Variants in NBEAL1 observed in about 807,000 individuals in gnomAD.
NBEAL1 encodes the protein neurobeachin-like protein 1.
In NBEAL1, 273 loss-of-function variants were observed where a neutral mutation model predicts 351.3. The observed-to-expected ratio is 0.78, with a 90% CI of 0.70 to 0.86. The LOEUF is 0.86. Ranked by LOEUF, NBEAL1 falls within the 40% of genes least tolerant of loss-of-function variation. The probability of loss-of-function intolerance (pLI) is 0.00; values close to 1 mark genes in which losing one functional copy is unlikely to be tolerated. For synonymous variants in NBEAL1, 1,050 were observed against 1,086.4 expected (o/e 0.97, Z 0.66); for missense variants, 2,961 against 3,201.3 (o/e 0.92, Z 1.81).
rs116720641 is a variant in NBEAL1, at chr2:203,189,629, C to T, written c.6824-663C>T. Among the ~76,000 whole-genome samples, 1,415 of 152,106 alleles carry T rather than the reference C, an allele frequency of 9.3e-3. 18 individuals carry two copies. The highest frequency in any genetic ancestry group is 0.032 in the African/African-American group (1,331 of 41,512). ...TTCAAACTCCAGGTCTCAAGCAGTC[C>T]TCCCGCCTCAGCCTCCCAAAGTGCT... On this transcript the variant is annotated intron_variant, in intron 45 of 55. Coordinates refer to ENST00000683969, the MANE Select transcript of NBEAL1 (RefSeq NM_001378026.1).
At chr2:203,061,037 G>A (rs927349500) in intron 6 of NBEAL1, among the ~76,000 whole-genome samples, 1 of 152,120 alleles carries the variant, frequency 6.6e-6, no homozygotes, top group African/African-American at 2.4e-5. Context: ...AGTATCAAAT[G>A]AAACTTATGA....
intron 46 of NBEAL1, among the ~76,000 whole-genome samples, chr2:203,192,195 A>G (rs1279675336): frequency 6.6e-6 from 1 of 152,210 alleles, no homozygotes; most frequent in Non-Finnish European, 1.5e-5. Context: ...TGGTACAGTC[A>G]GAAGGCGAAA....
In NBEAL1 at chr2:203,190,528, CTT is replaced by C. The variant is rs1046458646; in HGVS notation, c.6921+140_6921+141del. 41 of 747,004 alleles carry C rather than the reference CTT, an allele frequency of 5.5e-5. No homozygotes were observed. In the African/African-American group the frequency reaches 6.7e-4, roughly 12 times the overall value. The allele number at this position is 747,004 out of a possible 1,614,324, so 46.3% of individuals were successfully genotyped here. A position where few individuals can be genotyped will look rare whatever the true frequency, so the allele number is the denominator to read the frequency against. Reference sequence around the variant, plus strand: ...AAAGATTTCTGTTTGCTCAGAAAGTCTTATATTATTTCCAAGAGGAAAAACTG... The same window carrying C: ...AAAGATTTCTGTTTGCTCAGAAAGTCATATTATTTCCAAGAGGAAAAACTG... On this transcript the variant is annotated intron_variant, in intron 46 of 55. Coordinates refer to ENST00000683969, the MANE Select transcript of NBEAL1 (RefSeq NM_001378026.1).
rs767610333 is a variant in NBEAL1, at chr2:203,046,316, C to T, written c.144-3498C>T. Among the ~76,000 whole-genome samples the T allele has an allele frequency of 7.2e-5, 11 of 152,030 alleles. No homozygotes were observed. In the South Asian group the frequency reaches 1.0e-3, roughly 14 times the overall value. On this transcript the variant is annotated intron_variant, in intron 3 of 55. Coordinates refer to ENST00000683969, the MANE Select transcript of NBEAL1 (RefSeq NM_001378026.1). ...CTGCAACCTCTGCCTCCCGGGTTCA[C>T]GCCATTCTCCTGCCTCAGCCTCTCG...
chr2:203,031,461 T>A (rs1231687515), intron 2 of NBEAL1, among the ~76,000 whole-genome samples: 6 of 152,216 alleles, frequency 3.9e-5, no homozygotes, highest in African/African-American at 1.4e-4. Flanking sequence ...TGAGTGGTAG[T>A]TAAACTTATG....
chr2:203,164,861 C>CTT (rs36031308), intron 36 of NBEAL1, among the ~76,000 whole-genome samples: 205 of 133,268 alleles, frequency 1.5e-3, no homozygotes, highest in East Asian at 7.5e-3. Context: ...TCCCATTTCT[C>CTT]TTTTTTTTTT....
intron 1 of NBEAL1, chr2:203,015,827 T>C (rs1574848396): frequency 6.6e-6 from 1 of 152,440 alleles, no homozygotes; most frequent in East Asian, 1.9e-4. Flanking sequence ...ATTTGAAATG[T>C]CTGAGATGTG....
At position 203,149,088 on chromosome 2, in the gene NBEAL1, T is replaced by C. The variant is rs775005934; in HGVS notation, c.5402T>C (p.Leu1801Pro). Residue 1801 changes from leucine to proline, a missense_variant, in exon 34 of 56, where the codon CTT becomes CCT. Transcript: ENST00000683969. ...CTTAGCAGTCAACAGTTAGCCACTCTTAGACGCTGGAAAGCAATACAGCTC... is the reference window on the plus strand; with the variant it reads ...CTTAGCAGTCAACAGTTAGCCACTCCTAGACGCTGGAAAGCAATACAGCTC... ...KQLSSQQLAT[L>P]RRWKAIQLYL... 5 of 1,612,972 alleles carry C rather than the reference T, an allele frequency of 3.1e-6. No individual in the cohort carries two copies. Among genetic ancestry groups the C allele is most frequent in the Non-Finnish European group, 4.2e-6 (5 of 1,179,322 alleles).
intron 15 of NBEAL1, among the ~76,000 whole-genome samples, chr2:203,110,974 C>T (rs2062559652): frequency 6.6e-6 from 1 of 151,782 alleles, no homozygotes; most frequent in Non-Finnish European, 1.5e-5. Context: ...CCATGTTGGC[C>T]AGGATGGTCT....
chr2:203,018,272 C>CT (rs34841735), intron 2 of NBEAL1, among the ~76,000 whole-genome samples: 130,844 of 146,818 alleles, frequency 0.89, 58,821 homozygotes, highest in Non-Finnish European at 0.95. Context: ...ACTTTTAAGG[C>CT]TTTTTTTTTT....
At chr2:203,034,034 T>C (rs1016113083) in intron 2 of NBEAL1, among the ~76,000 whole-genome samples, 1 of 152,210 alleles carries the variant, frequency 6.6e-6, no homozygotes, top group African/African-American at 2.4e-5. Context: ...ACAGGCTGTT[T>C]TGCATTTACT....
Position 203,019,320 on chromosome 2 carries a change from C to G in NBEAL1, c.51+2885C>G, listed in dbSNP as rs550455874. Among the ~76,000 whole-genome samples the G allele has an allele frequency of 2.5e-4, 38 of 152,284 alleles. No individual in the cohort carries two copies. In the South Asian group the frequency reaches 5.6e-3, roughly 22 times the overall value. On this transcript the variant is annotated intron_variant, in intron 2 of 55. Coordinates refer to ENST00000683969, the MANE Select transcript of NBEAL1 (RefSeq NM_001378026.1). Reference sequence around the variant, plus strand: ...CTGTATAATTTATATTGAGAACTGTCTCTATCAGCATTTGATTACAGTTCC... The same window carrying G: ...CTGTATAATTTATATTGAGAACTGTGTCTATCAGCATTTGATTACAGTTCC...
intron 41 of NBEAL1, 96 bp downstream of exon 41, chr2:203,172,949 C>G: frequency 1.1e-6 from 1 of 886,130 alleles, no homozygotes. Context: ...TTTTTTTTAT[C>G]GTACTACTAC....
chr2:203,214,867 T>C (rs984465250), intron 55 of NBEAL1, among the ~76,000 whole-genome samples: 2 of 152,220 alleles, frequency 1.3e-5, no homozygotes, highest in African/African-American at 4.8e-5. Context: ...AAATCTTGAT[T>C]AATATGTATT....
At chr2:203,050,731 G>A (rs1256577267) in intron 4 of NBEAL1, among the ~76,000 whole-genome samples, 4 of 152,168 alleles carry the variant, frequency 2.6e-5, no homozygotes, top group African/African-American at 9.7e-5. Context: ...AGAATATAGA[G>A]CTTGAGCCTT....
intron 7 of NBEAL1, among the ~76,000 whole-genome samples, chr2:203,076,180 G>T (rs936961721): frequency 1.3e-5 from 2 of 152,104 alleles, no homozygotes; most frequent in Non-Finnish European, 1.5e-5. Flanking sequence ...AGGTGTATCT[G>T]TTAAGATGTA....
Position 203,016,300 on chromosome 2 carries a change from A to T in NBEAL1, c.-85A>T. The T allele has an allele frequency of 9.9e-7, 1 of 1,005,666 alleles. No individual in the cohort carries two copies. Among genetic ancestry groups the T allele is most frequent in the Non-Finnish European group, 1.4e-6 (1 of 699,100 alleles). 62.3% of individuals were successfully genotyped at this position (1,005,666 alleles called of 1,614,324 possible). On this transcript the variant is annotated 5_prime_UTR_variant, in exon 2 of 56. Transcript: ENST00000683969. ...GCTATGAGCTTTACTGAACGGCTGA[A>T]AAACTTGGAAAATAAAATGGACATG... is the stretch of plus-strand genomic sequence containing the variant.
intron 7 of NBEAL1, among the ~76,000 whole-genome samples, chr2:203,069,891 C>T (rs546382114): frequency 4.5e-4 from 68 of 152,306 alleles, no homozygotes; most frequent in Non-Finnish European, 9.6e-4. Flanking sequence ...GACTCCTGGC[C>T]TCAAGTGATC....
At chr2:203,070,054 T>G (rs1029418985) in intron 7 of NBEAL1, among the ~76,000 whole-genome samples, 2 of 152,180 alleles carry the variant, frequency 1.3e-5, no homozygotes, top group African/African-American at 4.8e-5. Flanking sequence ...TGTTCCCCCA[T>G]GTAGAAGGGA....
Sources: allele counts gnomAD v4.1 joint callset (sites outside exome capture counted in the v4.1 genomes callset), GRCh38; gene constraint gnomAD v4.1.1; transcripts MANE v1.5; gene names NCBI Gene and HGNC (gene_info 2026-07-23, HGNC 2026-07-21).